Variants in PDE4B observed in about 807,000 individuals in gnomAD.
PDE4B encodes 3',5'-cyclic-AMP phosphodiesterase 4B.
In PDE4B, 20 loss-of-function variants were observed where a neutral mutation model predicts 82.2. That is an observed-to-expected ratio of 0.24 (90% confidence interval 0.17 to 0.35). The LOEUF is 0.35. Among genes scored for constraint, PDE4B ranks in the 10% least tolerant of loss-of-function variants. The probability of loss-of-function intolerance (pLI) is 1.00; values close to 1 mark genes in which losing one functional copy is unlikely to be tolerated. For synonymous variants in PDE4B, 320 were observed against 318.9 expected (o/e 1.00, Z -0.04); for missense variants, 655 against 907.2 (o/e 0.72, Z 3.57).
At chr1:65,934,383 A>G (rs1196348875) in intron 3 of PDE4B, among the ~76,000 whole-genome samples, 1 of 152,210 alleles carries the variant, frequency 6.6e-6, no homozygotes. Context: ...AGCCTAGATA[A>G]CAAAGAGCTA....
intron 3 of PDE4B, among the ~76,000 whole-genome samples, chr1:66,208,809 A>G (rs1453848811): frequency 1.3e-5 from 2 of 152,244 alleles, no homozygotes; most frequent in Non-Finnish European, 2.9e-5. Context: ...ACAATATAAT[A>G]CTGTGCTAAA....
intron 7 of PDE4B, among the ~76,000 whole-genome samples, chr1:66,306,400 T>G (rs1343305192): frequency 1.3e-5 from 2 of 152,072 alleles, no homozygotes; most frequent in Non-Finnish European, 2.9e-5. Context: ...GTTATTCAAA[T>G]GAAGACTCAA....
At chr1:65,979,719 G>A (rs775541770) in intron 3 of PDE4B, among the ~76,000 whole-genome samples, 2 of 152,208 alleles carry the variant, frequency 1.3e-5, no homozygotes, top group African/African-American at 2.4e-5. Context: ...AGCGCTTGCA[G>A]TTTAACTAAG....
At chr1:66,075,050 G>A (rs750706219) in intron 3 of PDE4B, among the ~76,000 whole-genome samples, 4 of 152,042 alleles carry the variant, frequency 2.6e-5, no homozygotes, top group Non-Finnish European at 5.9e-5. Flanking sequence ...TACTGAAGTG[G>A]CAGTGCACAG....
At chr1:65,994,540 G>A (rs1232250454) in intron 3 of PDE4B, among the ~76,000 whole-genome samples, 1 of 152,052 alleles carries the variant, frequency 6.6e-6, no homozygotes, top group Non-Finnish European at 1.5e-5. Context: ...GTATAAGGAT[G>A]TACTGACTTG....
intron 4 of PDE4B, among the ~76,000 whole-genome samples, chr1:66,249,249 C>T (rs1229924405): frequency 6.6e-6 from 1 of 152,228 alleles, no homozygotes; most frequent in Non-Finnish European, 1.5e-5. Context: ...AGATAAACAC[C>T]TTTCTAGGCT....
chr1:66,180,401 G>A (rs933129252), intron 3 of PDE4B, among the ~76,000 whole-genome samples: 1 of 152,152 alleles, frequency 6.6e-6, no homozygotes. Flanking sequence ...AAGGAACAGA[G>A]TTTTTTCATA....
intron 3 of PDE4B, among the ~76,000 whole-genome samples, chr1:65,946,072 C>A (rs1227240388): frequency 6.6e-6 from 1 of 152,010 alleles, no homozygotes; most frequent in Non-Finnish European, 1.5e-5. Context: ...TGAGTTGATC[C>A]ATCCATGTAC....
chr1:65,918,809 T>C lies in PDE4B; in HGVS notation c.255T>C (p.Ile85=), dbSNP rs769918482. 2 of 1,612,022 alleles carry C rather than the reference T, an allele frequency of 1.2e-6. No individual in the cohort carries two copies. The highest frequency in any genetic ancestry group is 2.2e-5 in the South Asian group (2 of 91,038). ...TGCCTTTGACAACGCTTCCAAGCAT[T>C]GCTATTACAACTGTAAGCCAGGAGT... The part of the protein sequence containing the change: ...TTLPLTTLPS[I]AITTVSQECF... The change falls in exon 3 of 17, where the codon ATT becomes ATC. Residue 85 remains isoleucine, a synonymous_variant. Coordinates refer to ENST00000341517, the MANE Select transcript of PDE4B (RefSeq NM_002600.4).
intron 7 of PDE4B, among the ~76,000 whole-genome samples, chr1:66,328,246 A>C (rs1659870659): frequency 3.3e-5 from 5 of 152,228 alleles, no homozygotes; most frequent in Admixed American, 3.3e-4. Flanking sequence ...GTTGGAGTGA[A>C]AGAGGGAAAG....
intron 3 of PDE4B, among the ~76,000 whole-genome samples, chr1:66,079,527 A>G (rs1234011562): frequency 6.6e-6 from 1 of 152,152 alleles, no homozygotes; most frequent in Non-Finnish European, 1.5e-5. Context: ...AATGCCATGT[A>G]ATGCCACTCA....
At chr1:65,887,186 TTTTCTTTCTTTC>T (rs766627917) in intron 1 of PDE4B, among the ~76,000 whole-genome samples, 25 of 60,116 alleles carry the variant, frequency 4.2e-4, no homozygotes, top group African/African-American at 1.3e-3. Flanking sequence ...CTCCCTCCCT[TTTTCTTTCTTTC>T]TTTCTTTCTT....
At chr1:66,221,761 T>G (rs932655467) in intron 3 of PDE4B, among the ~76,000 whole-genome samples, 1 of 152,150 alleles carries the variant, frequency 6.6e-6, no homozygotes, top group Non-Finnish European at 1.5e-5. Context: ...CTTTTATCCC[T>G]CTGGCCCTCC....
At chr1:66,247,748 G>T in intron 4 of PDE4B, 94 bp downstream of exon 4, 1 of 942,154 alleles carries the variant, frequency 1.1e-6, no homozygotes, top group African/African-American at 1.7e-5. Context: ...ATTAATCTAT[G>T]GTAAGGATGA....
intron 2 of PDE4B, among the ~76,000 whole-genome samples, chr1:65,916,449 T>A (rs564793734): frequency 3.2e-4 from 49 of 152,162 alleles, no homozygotes; most frequent in Non-Finnish European, 3.1e-4. Context: ...TATTAGGAGG[T>A]TAGGGTGGTT....
intron 3 of PDE4B, among the ~76,000 whole-genome samples, chr1:66,071,925 C>T (rs933567463): frequency 2.6e-5 from 4 of 151,926 alleles, no homozygotes; most frequent in African/African-American, 7.3e-5. Flanking sequence ...AATTTTAAAG[C>T]GGAAAAATTT....
chr1:66,160,805 C>A lies in PDE4B; in HGVS notation c.282-86655C>A, dbSNP rs912970953. 2.6e-5 allele frequency among the ~76,000 whole-genome samples: 4 copies of A among 152,148 alleles called. No homozygotes were observed. In the East Asian group the frequency reaches 7.7e-4, roughly 29 times the overall value. On this transcript the variant is annotated intron_variant, in intron 3 of 16. Coordinates refer to ENST00000341517, the MANE Select transcript of PDE4B (RefSeq NM_002600.4). ...ATAGATTCTTAGTGCCTCTGAAGAT[C>A]TAATTATACTGACTGTGCCTCTAGG... is the stretch of plus-strand genomic sequence containing the variant.
chr1:66,069,446 C>A (rs1006154697), intron 3 of PDE4B, among the ~76,000 whole-genome samples: 3 of 151,988 alleles, frequency 2.0e-5, no homozygotes, highest in Admixed American at 6.6e-5. Flanking sequence ...ACATTAATTT[C>A]TTTTCTCAGC....
chr1:66,185,095 T>C (rs1227987232), intron 3 of PDE4B, among the ~76,000 whole-genome samples: 1 of 151,996 alleles, frequency 6.6e-6, no homozygotes, highest in Non-Finnish European at 1.5e-5. Flanking sequence ...CGGTGTTTGG[T>C]TTTTTTGTCC....
Sources: allele counts gnomAD v4.1 joint callset (sites outside exome capture counted in the v4.1 genomes callset), GRCh38; gene constraint gnomAD v4.1.1; transcripts MANE v1.5; gene names NCBI Gene and HGNC (gene_info 2026-07-23, HGNC 2026-07-21).